The following GABRB1 variants were observed in gnomAD, a reference collection of about 807,000 sequenced individuals.
The protein encoded by GABRB1 is gamma-aminobutyric acid type A receptor subunit beta1.
Under a neutral mutation model 51.6 loss-of-function variants are expected in GABRB1, and 17 were observed. That is an observed-to-expected ratio of 0.33 (90% CI 0.23 to 0.49). The LOEUF is 0.49. GABRB1 is among the 20% of genes least tolerant of loss of function. GABRB1 has a pLI of 0.99. For synonymous variants in GABRB1, 247 were observed against 218.9 expected (o/e 1.13, Z -1.14); for missense variants, 410 against 600.6 (o/e 0.68, Z 3.32).
rs372535761 is a variant in GABRB1, at chr4:47,031,722, G to A, written c.71G>A (p.Cys24Tyr). 1.9e-6 allele frequency: 3 copies of A among 1,613,154 alleles called. No homozygotes were observed. Among genetic ancestry groups the A allele is most frequent in the South Asian group, 1.1e-5 (1 of 91,054 alleles). The change falls in exon 1 of 9, where the codon TGT (cysteine) becomes TAT (tyrosine). Residue 24 changes from cysteine to tyrosine, a missense_variant. By Grantham distance (194) the Cys-to-Tyr change is radical. Transcript: ENST00000295454. ...SFPVMITMVC[C>Y]AHSTNEPSNM... ...CCTGTGATGATTACCATGGTCTGTT[G>A]TGCACACAGGTGAGCTGCTGTTGTT... is the stretch of plus-strand genomic sequence containing the variant.
At position 47,233,604 on chromosome 4, in the gene GABRB1, C is replaced by T. The variant is rs73815418; in HGVS notation, c.461+72135C>T. 8.0e-3 allele frequency among the ~76,000 whole-genome samples: 1,216 copies of T among 152,148 alleles called. 14 individuals are homozygous for T. Among genetic ancestry groups the T allele is most frequent in the African/African-American group, 0.028 (1,145 of 41,512 alleles). ...TTGCTCCTAATTCAAGCTTTTGGAG[C>T]TTTTTGTCCTTATATATGTAAGTGT... On this transcript the variant is annotated intron_variant, in intron 4 of 8. Coordinates refer to ENST00000295454, the MANE Select transcript of GABRB1 (RefSeq NM_000812.4).
At chr4:47,396,969 C>T (rs1274112388) in intron 5 of GABRB1, among the ~76,000 whole-genome samples, 2 of 151,970 alleles carry the variant, frequency 1.3e-5, no homozygotes, top group Non-Finnish European at 2.9e-5. Flanking sequence ...TGTTCATATC[C>T]TTTTACTATA....
chr4:47,084,361 G>C (rs1318493488), intron 3 of GABRB1, among the ~76,000 whole-genome samples: 1 of 152,160 alleles, frequency 6.6e-6, no homozygotes, highest in East Asian at 1.9e-4. Context: ...GGTTAAGCCT[G>C]GTTATTGTCT....
chr4:47,074,976 G>A (rs1727488548), intron 3 of GABRB1, among the ~76,000 whole-genome samples: 1 of 152,088 alleles, frequency 6.6e-6, no homozygotes. Flanking sequence ...TCTTGCCAAG[G>A]TATGATGAGG....
intron 5 of GABRB1, among the ~76,000 whole-genome samples, chr4:47,394,777 C>T (rs1021272248): frequency 6.7e-6 from 1 of 148,488 alleles, no homozygotes; most frequent in Non-Finnish European, 1.5e-5. Context: ...GGCTTGGCAT[C>T]AGCACTTCCC....
rs16860180 is a variant in GABRB1 at position 47,384,766 on chromosome 4, A to G, written c.545-18552A>G. On this transcript the variant is annotated intron_variant, in intron 5 of 8. Transcript: ENST00000295454. ...CTTATTATCCTTAAAGGTAGTTTAC[A>G]CTTCAGAAAATAAAGGCATATTTGA... is the stretch of plus-strand genomic sequence containing the variant. Among the ~76,000 whole-genome samples, 1,306 of 152,286 alleles carry G rather than the reference A, an allele frequency of 8.6e-3. 20 individuals are homozygous for G. The highest frequency in any genetic ancestry group is 0.03 in the African/African-American group (1,244 of 41,562).
intron 4 of GABRB1, among the ~76,000 whole-genome samples, chr4:47,225,988 G>C (rs530721010): frequency 6.6e-6 from 1 of 152,060 alleles, no homozygotes; most frequent in South Asian, 2.1e-4. Flanking sequence ...ACTTTATCAT[G>C]ACCAGATCTA....
chr4:47,282,488 T>C (rs1020389006), intron 4 of GABRB1, among the ~76,000 whole-genome samples: 1 of 152,196 alleles, frequency 6.6e-6, no homozygotes, highest in Non-Finnish European at 1.5e-5. Context: ...ACATAACTAG[T>C]TGTAGTAGCA....
At chr4:47,210,102 A>C (rs1489733624) in intron 4 of GABRB1, among the ~76,000 whole-genome samples, 1 of 152,136 alleles carries the variant, frequency 6.6e-6, no homozygotes, top group East Asian at 1.9e-4. Context: ...ACCATGACTC[A>C]AATGATGTGT....
At chr4:47,356,746 A>C (rs1194906709) in intron 5 of GABRB1, among the ~76,000 whole-genome samples, 1 of 152,164 alleles carries the variant, frequency 6.6e-6, no homozygotes, top group Admixed American at 6.5e-5. Context: ...CCATCCCGTA[A>C]TGTTCATTGA....
intron 4 of GABRB1, among the ~76,000 whole-genome samples, chr4:47,263,439 T>C (rs1722530176): frequency 6.6e-6 from 1 of 152,066 alleles, no homozygotes; most frequent in African/African-American, 2.4e-5. Context: ...AACAGTCTCA[T>C]GGAAAGTGCA....
At chr4:47,349,179 G>T (rs1560345312) in intron 5 of GABRB1, among the ~76,000 whole-genome samples, 1 of 152,076 alleles carries the variant, frequency 6.6e-6, no homozygotes, top group Non-Finnish European at 1.5e-5. Flanking sequence ...ATAAATTTGT[G>T]AATTATTTGC....
At chr4:47,216,024 A>T (rs1485183509) in intron 4 of GABRB1, among the ~76,000 whole-genome samples, 1 of 152,050 alleles carries the variant, frequency 6.6e-6, no homozygotes, top group East Asian at 1.9e-4. Flanking sequence ...GACAGATGGG[A>T]TTGGAATACA....
chr4:47,409,454 C>T (rs11946600), intron 8 of GABRB1, among the ~76,000 whole-genome samples: 1 of 151,974 alleles, frequency 6.6e-6, no homozygotes, highest in Non-Finnish European at 1.5e-5. Context: ...ATCTCTCCGA[C>T]CATCTCCAGC....
chr4:47,086,011 C>T (rs1444963505), intron 3 of GABRB1, among the ~76,000 whole-genome samples: 7 of 152,088 alleles, frequency 4.6e-5, no homozygotes, highest in Non-Finnish European at 7.4e-5. Flanking sequence ...ATTCACATTG[C>T]AAAAAGGCAC....
chr4:47,086,959 T>C (rs932726359), intron 3 of GABRB1, among the ~76,000 whole-genome samples: 1 of 152,222 alleles, frequency 6.6e-6, no homozygotes, highest in Non-Finnish European at 1.5e-5. Context: ...CCTCACAGTG[T>C]GGAGAACCAT....
intron 4 of GABRB1, among the ~76,000 whole-genome samples, chr4:47,237,052 T>C (rs1003191653): frequency 6.6e-6 from 1 of 152,104 alleles, no homozygotes; most frequent in Non-Finnish European, 1.5e-5. Flanking sequence ...TTCTCAAAAT[T>C]ATAATTTCAA....
In GABRB1 at chr4:47,031,591, C is replaced by A; in HGVS notation, c.-61C>A. 7.1e-7 allele frequency: 1 copy of A among 1,411,798 alleles called. No homozygotes were observed. The highest frequency in any genetic ancestry group is 1.0e-6 in the Non-Finnish European group (1 of 996,108). 87.5% of individuals were successfully genotyped at this position (1,411,798 alleles called of 1,614,324 possible). On this transcript the variant is annotated 5_prime_UTR_variant, in exon 1 of 9. Transcript: ENST00000295454. ...CATTCGGGAATTACTGCCCAGCAGCCGACTAAGTTGCATTCCTTGAATCTT... is the reference window on the plus strand; with the variant it reads ...CATTCGGGAATTACTGCCCAGCAGCAGACTAAGTTGCATTCCTTGAATCTT...
At chr4:47,233,780 T>C (rs574936090) in intron 4 of GABRB1, among the ~76,000 whole-genome samples, 1 of 152,344 alleles carries the variant, frequency 6.6e-6, no homozygotes, top group South Asian at 2.1e-4. Flanking sequence ...ATATTAGTTA[T>C]ATTTTGTGGT....
Sources: allele counts gnomAD v4.1 joint callset (sites outside exome capture counted in the v4.1 genomes callset), GRCh38; gene constraint gnomAD v4.1.1; transcripts MANE v1.5; gene names NCBI Gene and HGNC (gene_info 2026-07-23, HGNC 2026-07-21).